CNTNAP2: variants seen among roughly 807,000 people sequenced by gnomAD.
CNTNAP2 encodes contactin associated protein 2, also known as contactin-associated protein-like 2.
Under a neutral mutation model 155.2 loss-of-function variants are expected in CNTNAP2, and 98 were observed. The observed-to-expected ratio is 0.63, with a 90% CI of 0.54 to 0.75. The LOEUF is 0.75. Among genes scored for constraint, CNTNAP2 ranks in the 30% least tolerant of loss-of-function variants. The pLI, the probability that CNTNAP2 is intolerant of heterozygous loss-of-function variation, is 0.00. For missense variants in CNTNAP2, 1,727 were observed against 1,688.1 expected, an observed-to-expected ratio of 1.02 and a Z score of -0.40; for synonymous variants, 651 against 631.2, an observed-to-expected ratio of 1.03 and a Z score of -0.47.
chr7:146,154,964 T>C (rs1798102639), intron 1 of CNTNAP2, among the ~76,000 whole-genome samples: 1 of 152,190 alleles, frequency 6.6e-6, no homozygotes, highest in Non-Finnish European at 1.5e-5. Flanking sequence ...TGCCCTCTAC[T>C]GTCACTCATA....
chr7:147,638,102 G>A (rs530507881), intron 12 of CNTNAP2, among the ~76,000 whole-genome samples: 1 of 152,220 alleles, frequency 6.6e-6, no homozygotes, highest in East Asian at 1.9e-4. Flanking sequence ...AAATATATTT[G>A]ATATGCCTCA....
intron 1 of CNTNAP2, among the ~76,000 whole-genome samples, chr7:146,274,608 A>G (rs962759534): frequency 1.6e-4 from 25 of 152,258 alleles, no homozygotes; most frequent in African/African-American, 5.8e-4. Flanking sequence ...ATGCTTAGTT[A>G]TTATGTGATT....
intron 1 of CNTNAP2, among the ~76,000 whole-genome samples, chr7:146,449,317 G>A (rs1022196546): frequency 6.6e-6 from 1 of 152,014 alleles, no homozygotes; most frequent in Admixed American, 6.6e-5. Flanking sequence ...TCATCATAGT[G>A]TTGGTATTTT....
At chr7:148,010,028 C>T (rs1802048703) in intron 15 of CNTNAP2, among the ~76,000 whole-genome samples, 1 of 152,002 alleles carries the variant, frequency 6.6e-6, no homozygotes, top group Non-Finnish European at 1.5e-5. Flanking sequence ...TCCCAATTTA[C>T]ACTTTCAAGT....
At chr7:147,742,166 A>G (rs1796966589) in intron 13 of CNTNAP2, among the ~76,000 whole-genome samples, 1 of 152,178 alleles carries the variant, frequency 6.6e-6, no homozygotes, top group Admixed American at 6.5e-5. Flanking sequence ...TCCCTCTCAC[A>G]ACACATGGGA....
At chr7:146,330,901 G>A (rs1274216513) in intron 1 of CNTNAP2, among the ~76,000 whole-genome samples, 1 of 152,168 alleles carries the variant, frequency 6.6e-6, no homozygotes, top group African/African-American at 2.4e-5. Context: ...TTATAATTGT[G>A]ATGAGGATTT....
At chr7:147,112,684 G>A (rs1439134007) in intron 5 of CNTNAP2, among the ~76,000 whole-genome samples, 1 of 152,108 alleles carries the variant, frequency 6.6e-6, no homozygotes, top group African/African-American at 2.4e-5. Context: ...ATTGATATGT[G>A]TATGTTGAAC....
chr7:148,357,154 A>C (rs1272132264), intron 21 of CNTNAP2, among the ~76,000 whole-genome samples: 2 of 152,090 alleles, frequency 1.3e-5, no homozygotes, highest in Non-Finnish European at 2.9e-5. Flanking sequence ...GTGGGACGTA[A>C]TTGAATCATG....
intron 15 of CNTNAP2, among the ~76,000 whole-genome samples, chr7:147,980,881 A>G (rs1801513952): frequency 7.1e-6 from 1 of 141,512 alleles, no homozygotes; most frequent in South Asian, 2.3e-4. Context: ...CAGTGAGCAG[A>G]GATTGTGCCA....
At chr7:147,292,882 G>A (rs557733690) in intron 8 of CNTNAP2, among the ~76,000 whole-genome samples, 1 of 152,280 alleles carries the variant, frequency 6.6e-6, no homozygotes, top group East Asian at 1.9e-4. Context: ...TGATTCTCCT[G>A]CCTCAGCCTC....
chr7:146,811,471 C>T (rs553436575), intron 2 of CNTNAP2, among the ~76,000 whole-genome samples: 5 of 151,906 alleles, frequency 3.3e-5, no homozygotes, highest in East Asian at 3.9e-4. Flanking sequence ...TCCGTGGTAT[C>T]GGTTGTAATG....
chr7:146,685,000 C>T (rs981076302), intron 1 of CNTNAP2, among the ~76,000 whole-genome samples: 2 of 152,128 alleles, frequency 1.3e-5, no homozygotes, highest in Non-Finnish European at 2.9e-5. Context: ...AAATAATCAT[C>T]TTCAAGCTCA....
chr7:147,656,596 A>G (rs1795528300), intron 13 of CNTNAP2, among the ~76,000 whole-genome samples: 1 of 152,220 alleles, frequency 6.6e-6, no homozygotes, highest in South Asian at 2.1e-4. Flanking sequence ...TAAGTTTGTC[A>G]TCTTCTATGG....
chr7:148,031,021 C>T (rs1197863529), intron 15 of CNTNAP2, among the ~76,000 whole-genome samples: 1 of 152,046 alleles, frequency 6.6e-6, no homozygotes, highest in East Asian at 1.9e-4. Context: ...AACTAGACTC[C>T]ATTGGCACAA....
chr7:148,275,270 G>A (rs1796852659), intron 21 of CNTNAP2, among the ~76,000 whole-genome samples: 1 of 152,152 alleles, frequency 6.6e-6, no homozygotes, highest in Non-Finnish European at 1.5e-5. Flanking sequence ...AAAGACAAGA[G>A]GGTGGGATAA....
At chr7:148,372,617 A>G (rs1798908438) in intron 21 of CNTNAP2, among the ~76,000 whole-genome samples, 1 of 152,128 alleles carries the variant, frequency 6.6e-6, no homozygotes, top group African/African-American at 2.4e-5. Context: ...CTGAGGCAGG[A>G]GAATTGCTTG....
chr7:146,963,425 T>C (rs949897890), intron 3 of CNTNAP2, among the ~76,000 whole-genome samples: 3 of 152,204 alleles, frequency 2.0e-5, no homozygotes, highest in African/African-American at 7.2e-5. Flanking sequence ...ACATGTGTTA[T>C]TTATTTTACT....
At chr7:147,984,699 C>CTACAGGGAGTA (rs58985973) in intron 15 of CNTNAP2, among the ~76,000 whole-genome samples, 15,696 of 152,006 alleles carry the variant, frequency 0.1, 1,061 homozygotes, top group African/African-American at 0.2. Flanking sequence ...GCAAATTTTA[C>CTACAGGGAGTA]TACAGGGAGA....
chr7:148,072,868 T>A (rs527531517), intron 15 of CNTNAP2, among the ~76,000 whole-genome samples: 3 of 152,136 alleles, frequency 2.0e-5, no homozygotes, highest in Admixed American at 2.0e-4. Context: ...CCACCATACC[T>A]GGCTAATTTT....
Sources: allele counts gnomAD v4.1 joint callset (sites outside exome capture counted in the v4.1 genomes callset), GRCh38; gene constraint gnomAD v4.1.1; transcripts MANE v1.5; gene names NCBI Gene and HGNC (gene_info 2026-07-23, HGNC 2026-07-21).